The following KIF26B variants were observed in gnomAD, a reference collection of about 807,000 sequenced individuals.
KIF26B encodes the protein kinesin-like protein KIF26B.
A neutral mutation model predicts 151.2 loss-of-function variants in KIF26B; 63 were observed. The ratio of observed to expected loss-of-function variants is 0.42; its 90% CI spans 0.34 to 0.51. KIF26B has a LOEUF of 0.51. KIF26B is among the 20% of genes least tolerant of loss of function. KIF26B has a pLI of 0.07. For missense variants in KIF26B, 2,813 were observed against 2,913.6 expected, an observed-to-expected ratio of 0.97 and a Z score of 0.79; for synonymous variants, 1,357 against 1,262.1, an observed-to-expected ratio of 1.08 and a Z score of -1.59.
At chr1:245,264,161 C>T (rs1413361617) in intron 2 of KIF26B, among the ~76,000 whole-genome samples, 1 of 152,170 alleles carries the variant, frequency 6.6e-6, no homozygotes, top group Non-Finnish European at 1.5e-5. Flanking sequence ...TATAAAACAG[C>T]AGTGCTTGGC....
intron 4 of KIF26B, among the ~76,000 whole-genome samples, chr1:245,466,857 C>G (rs949978505): frequency 1.2e-4 from 19 of 152,178 alleles, no homozygotes; most frequent in African/African-American, 4.6e-4. Context: ...ACCCAGGGGA[C>G]AGAGGTTGCC....
intron 2 of KIF26B, among the ~76,000 whole-genome samples, chr1:245,176,413 A>G (rs1668810319): frequency 6.6e-6 from 1 of 152,186 alleles, no homozygotes; most frequent in African/African-American, 2.4e-5. Context: ...TCATGGAAGG[A>G]GACCAGAGTT....
chr1:245,311,900 A>G (rs1000304962), intron 2 of KIF26B, among the ~76,000 whole-genome samples: 1 of 152,268 alleles, frequency 6.6e-6, no homozygotes, highest in African/African-American at 2.4e-5. Flanking sequence ...ATTGCACTGC[A>G]GCCTGGGCGA....
intron 4 of KIF26B, among the ~76,000 whole-genome samples, chr1:245,455,632 CCTT>C (rs1486528828): frequency 2.0e-5 from 3 of 152,218 alleles, no homozygotes; most frequent in African/African-American, 7.2e-5. Context: ...TCTTTAGCTG[CCTT>C]CTTCTCCCGT....
intron 2 of KIF26B, among the ~76,000 whole-genome samples, chr1:245,165,334 G>C (rs1483990234): frequency 6.6e-6 from 1 of 152,208 alleles, no homozygotes; most frequent in African/African-American, 2.4e-5. Flanking sequence ...CAGGGAAAGT[G>C]TGTGGGTGGT....
At chr1:245,621,630 C>G (rs2043661935) in intron 9 of KIF26B, among the ~76,000 whole-genome samples, 1 of 152,152 alleles carries the variant, frequency 6.6e-6, no homozygotes, top group Non-Finnish European at 1.5e-5. Flanking sequence ...TCTGGAAAGT[C>G]AGTGAGGAAC....
intron 2 of KIF26B, among the ~76,000 whole-genome samples, chr1:245,169,177 C>T (rs1411929136): frequency 6.6e-6 from 1 of 152,136 alleles, no homozygotes; most frequent in South Asian, 2.1e-4. Flanking sequence ...CTTACCAGGG[C>T]GTGAATGGAG....
At chr1:245,331,606 T>G (rs1238105441) in intron 2 of KIF26B, among the ~76,000 whole-genome samples, 1 of 152,088 alleles carries the variant, frequency 6.6e-6, no homozygotes, top group Non-Finnish European at 1.5e-5. Context: ...TGGTGGCTGC[T>G]GAGGAAGGAT....
intron 2 of KIF26B, among the ~76,000 whole-genome samples, chr1:245,204,415 C>A (rs994024174): frequency 6.6e-5 from 10 of 151,938 alleles, no homozygotes; most frequent in Admixed American, 3.3e-4. Context: ...GCTCTGCCAC[C>A]CAGGCTGGCA....
chr1:245,542,610 C>A (rs1021993683), intron 5 of KIF26B, among the ~76,000 whole-genome samples: 3 of 152,206 alleles, frequency 2.0e-5, no homozygotes, highest in Non-Finnish European at 2.9e-5. Flanking sequence ...TGGGTGGGAG[C>A]CCCCGAGGAG....
intron 2 of KIF26B, among the ~76,000 whole-genome samples, chr1:245,342,017 A>G (rs1672343814): frequency 6.6e-6 from 1 of 152,192 alleles, no homozygotes. Flanking sequence ...ACCAAGTTGA[A>G]AGCAATCCTT....
chr1:245,319,642 T>G (rs1298516395), intron 2 of KIF26B, among the ~76,000 whole-genome samples: 1 of 152,172 alleles, frequency 6.6e-6, no homozygotes, highest in Non-Finnish European at 1.5e-5. Flanking sequence ...CTGTCCTTCT[T>G]GGAAAAATGT....
intron 4 of KIF26B, among the ~76,000 whole-genome samples, chr1:245,439,621 T>C (rs916099200): frequency 7.2e-5 from 11 of 152,032 alleles, no homozygotes; most frequent in African/African-American, 2.7e-4. Context: ...TTTTAGGTAA[T>C]AAAAAATCAT....
At chr1:245,617,830 G>A (rs1010316217) in intron 9 of KIF26B, among the ~76,000 whole-genome samples, 4 of 152,110 alleles carry the variant, frequency 2.6e-5, no homozygotes, top group African/African-American at 7.2e-5. Context: ...AGAAGACAGA[G>A]CTGACCTGGT....
intron 5 of KIF26B, among the ~76,000 whole-genome samples, chr1:245,568,753 C>G (rs939502350): frequency 6.6e-6 from 1 of 152,132 alleles, no homozygotes; most frequent in Non-Finnish European, 1.5e-5. Context: ...TGTTCTGACT[C>G]TTCATTTAGT....
rs61645005 is a variant in KIF26B at position 245,581,964 on chromosome 1, A to AAGGAAGGAAG, written c.1351-20613_1351-20612insAGGAAGGAAG. Among the ~76,000 whole-genome samples, 379 of 60,908 alleles carry AAGGAAGGAAG rather than the reference A, an allele frequency of 6.2e-3. 7 individuals carry two copies. Among genetic ancestry groups the AAGGAAGGAAG allele is most frequent in the African/African-American group, 0.019 (362 of 18,584 alleles). 40.0% of individuals were successfully genotyped at this position (60,908 alleles called of 152,430 possible). On this transcript the variant is annotated intron_variant, in intron 5 of 14. Coordinates refer to ENST00000407071, the MANE Select transcript of KIF26B (RefSeq NM_018012.4). ...AGGAAGGAAGGAAGGAAGGAAGGAA[A>AAGGAAGGAAG]TAAATAAGCAATAAGCATGAAGTGG...
chr1:245,627,515 G>A (rs1411108770), intron 9 of KIF26B, among the ~76,000 whole-genome samples: 1 of 152,014 alleles, frequency 6.6e-6, no homozygotes, highest in Non-Finnish European at 1.5e-5. Context: ...AGCACTAAAC[G>A]CCCACATCAG....
chr1:245,296,199 GATATTTACCCAAGGTAAATTC>G (rs1671334187), intron 2 of KIF26B, among the ~76,000 whole-genome samples: 1 of 151,600 alleles, frequency 6.6e-6, no homozygotes, highest in Admixed American at 6.6e-5. Flanking sequence ...TATGGGCTAG[GATATTTACCCAAGGTAAATTC>G]AGAGAACAGG....
At position 245,684,357 on chromosome 1, in the gene KIF26B, G is replaced by A; in HGVS notation, c.2383G>A (p.Ala795Thr). 1 of 1,613,540 alleles carries A rather than the reference G, an allele frequency of 6.2e-7. No homozygotes were observed. Among genetic ancestry groups the A allele is most frequent in the East Asian group, 2.2e-5 (1 of 44,842 alleles). Residue 795 changes from alanine (A) to threonine (T), a missense_variant, in exon 11 of 15, where the codon GCA becomes ACA. This residue lies in a region of KIF26B where 2,060 missense variants were observed against 2,088.6 expected (regional missense o/e 0.99). Transcript: ENST00000407071. ...GGAGACCCTGTCCACCATCCAGATT[G>A]CATCGAGAGTCTTGAGGATGAAGAA... ...YAETLSTIQIASRVLRMKKKK... is the reference protein window; with the variant it reads ...YAETLSTIQITSRVLRMKKKK...
Sources: allele counts gnomAD v4.1 joint callset (sites outside exome capture counted in the v4.1 genomes callset), GRCh38; gene constraint gnomAD v4.1.1; regional missense constraint gnomAD v4.1.1; transcripts MANE v1.5; gene names NCBI Gene and HGNC (gene_info 2026-07-23, HGNC 2026-07-21).